Variants in LAMB4 observed in about 807,000 individuals in gnomAD.
The protein encoded by LAMB4 is laminin subunit beta 4.
A neutral mutation model predicts 199.2 loss-of-function variants in LAMB4; 196 were observed. The observed-to-expected ratio is 0.98, with a 90% confidence interval of 0.88 to 1.11. The LOEUF is 1.11. LAMB4 is among the 50% of genes least tolerant of loss of function. LAMB4 has a pLI of 0.00. For synonymous variants in LAMB4, 744 were observed against 770.6 expected (o/e 0.97, Z 0.57); for missense variants, 2,080 against 2,171.2 (o/e 0.96, Z 0.83).
intron 15 of LAMB4, among the ~76,000 whole-genome samples, chr7:108,078,855 TGTAA>T (rs2036811682): frequency 6.6e-6 from 1 of 152,184 alleles, no homozygotes; most frequent in Non-Finnish European, 1.5e-5. Flanking sequence ...GGCTTTCACT[TGTAA>T]GTAAGAAATA....
intron 25 of LAMB4, among the ~76,000 whole-genome samples, chr7:108,055,417 C>A (rs942403630): frequency 6.6e-6 from 1 of 151,478 alleles, no homozygotes; most frequent in African/African-American, 2.4e-5. Context: ...GAACTCCTGA[C>A]CTCAAGTGAT....
intron 7 of LAMB4, 43 bp from the exon 8 acceptor site, chr7:108,106,074 A>C (rs753646711): frequency 6.8e-7 from 1 of 1,466,882 alleles, no homozygotes; most frequent in East Asian, 2.3e-5. Context: ...TTTGAGGTGC[A>C]TCAGTTCAAG....
At chr7:108,061,314 T>C (rs1401538375) in intron 23 of LAMB4, among the ~76,000 whole-genome samples, 1 of 152,186 alleles carries the variant, frequency 6.6e-6, no homozygotes, top group Non-Finnish European at 1.5e-5. Flanking sequence ...TATTCATGCA[T>C]AGTGACAAAT....
At position 108,023,650 on chromosome 7, in the gene LAMB4, AC is replaced by A. The variant is rs2034738769; in HGVS notation, c.*388del. Reference sequence around the variant, plus strand: ...TATAGGACAATCTAGTACATGCCATACATATGTATTCCATCCTAATATTGGA... The same window carrying A: ...TATAGGACAATCTAGTACATGCCATAATATGTATTCCATCCTAATATTGGA... On this transcript the variant is annotated 3_prime_UTR_variant, in exon 34 of 34. Transcript: ENST00000388781. 6.5e-6 allele frequency: 1 copy of A among 154,304 alleles called. No individual in the cohort carries two copies. Among genetic ancestry groups the A allele is most frequent in the Non-Finnish European group, 1.4e-5 (1 of 69,576 alleles). 9.6% of individuals were successfully genotyped at this position (154,304 alleles called of 1,614,324 possible).
intron 14 of LAMB4, among the ~76,000 whole-genome samples, chr7:108,084,851 C>T (rs1220849353): frequency 1.4e-5 from 2 of 145,952 alleles, no homozygotes; most frequent in Non-Finnish European, 3.0e-5. Context: ...TCAAGTGATC[C>T]TCCCACCTCA....
At chr7:108,051,000 G>A (rs752937041) in intron 26 of LAMB4, among the ~76,000 whole-genome samples, 23 of 152,128 alleles carry the variant, frequency 1.5e-4, no homozygotes, top group Non-Finnish European at 2.8e-4. Context: ...GTAATGATCT[G>A]CCTGTTTCTA....
chr7:108,104,662 T>C (rs1248812797), intron 8 of LAMB4, 43 bp from the exon 9 acceptor site: 12 of 1,595,412 alleles, frequency 7.5e-6, no homozygotes, highest in African/African-American at 6.7e-5. Flanking sequence ...GGGCTTGTCC[T>C]TGGGGACGTT....
At chr7:108,028,472 ATT>A (rs1195925912) in intron 33 of LAMB4, among the ~76,000 whole-genome samples, 45 of 111,766 alleles carry the variant, frequency 4.0e-4, no homozygotes, top group African/African-American at 1.1e-3. Flanking sequence ...AAAAAAGGGC[ATT>A]TTTTTTTTTT....
intron 25 of LAMB4, among the ~76,000 whole-genome samples, chr7:108,052,859 C>A (rs1277990232): frequency 6.6e-6 from 1 of 152,132 alleles, no homozygotes; most frequent in Non-Finnish European, 1.5e-5. Flanking sequence ...CTGGGTTTAG[C>A]ACCTACTGTT....
At position 108,115,987 on chromosome 7, in the gene LAMB4, A is replaced by G. The variant is rs2038391170; in HGVS notation, c.192+17T>C. 6.2e-7 allele frequency: 1 copy of G among 1,604,764 alleles called. No homozygotes were observed. The stretch of plus-strand genomic sequence containing the variant: ...GATTAAATAATGTCCCAGCAAATAA[A>G]CAAAGAGCCAACCCACCTCCAGGTA... On this transcript the variant is annotated intron_variant, in intron 3 of 33. Transcript: ENST00000388781.
chr7:108,079,009 T>C (rs1332656245), intron 15 of LAMB4, among the ~76,000 whole-genome samples: 1 of 152,192 alleles, frequency 6.6e-6, no homozygotes, highest in Non-Finnish European at 1.5e-5. Flanking sequence ...ATATCAAACA[T>C]GTTTCAAAGG....
intron 23 of LAMB4, among the ~76,000 whole-genome samples, chr7:108,059,250 C>T (rs1233405615): frequency 6.6e-6 from 1 of 151,978 alleles, no homozygotes; most frequent in Admixed American, 6.6e-5. Flanking sequence ...GGACTACAGG[C>T]ACCCACCACC....
At chr7:108,036,530 G>A (rs185273125) in intron 30 of LAMB4, among the ~76,000 whole-genome samples, 25 of 152,122 alleles carry the variant, frequency 1.6e-4, no homozygotes, top group African/African-American at 3.1e-4. Flanking sequence ...AATCTTCCTC[G>A]TTTTAAATAT....
chr7:108,075,503 A>G (rs1324046205), intron 17 of LAMB4: 1 of 152,266 alleles, frequency 6.6e-6, no homozygotes, highest in Non-Finnish European at 1.5e-5. Flanking sequence ...CAATTAAGTA[A>G]TGATATTAGA....
At chr7:108,072,639 T>C (rs1330313940) in intron 17 of LAMB4, among the ~76,000 whole-genome samples, 2 of 152,154 alleles carry the variant, frequency 1.3e-5, no homozygotes, top group African/African-American at 2.4e-5. Flanking sequence ...TCTAACCCCA[T>C]GCTCTCATTG....
chr7:108,028,862 A>T (rs939697138), intron 33 of LAMB4, among the ~76,000 whole-genome samples, 181 bp downstream of exon 33: 1 of 152,138 alleles, frequency 6.6e-6, no homozygotes, highest in Non-Finnish European at 1.5e-5. Context: ...TTTCTAGGCA[A>T]ATCCATGCAA....
At position 108,076,949 on chromosome 7, in the gene LAMB4, C is replaced by T. The variant is rs1262345364; in HGVS notation, c.2119G>A (p.Asp707Asn). The change falls in exon 17 of 34, where the codon GAC becomes AAC. Residue 707 changes from aspartate (D) to asparagine (N), a missense_variant. Asp to Asn is a conservative substitution (Grantham distance 23, BLOSUM62 1). Coordinates refer to ENST00000388781, the MANE Select transcript of LAMB4 (RefSeq NM_007356.3). ...CAAAACTCTGTGATACTTACAGAGT[C>T]CACCAGGACATGTGAATGAGCGTGG... is the stretch of plus-strand genomic sequence containing the variant. The part of the protein sequence containing the change: ...ESHAHSHVLV[D>N]SLGLIPQINS... 6.2e-7 allele frequency: 1 copy of T among 1,613,934 alleles called. No individual in the cohort carries two copies.
intron 1 of LAMB4, among the ~76,000 whole-genome samples, chr7:108,124,026 T>C (rs1023306611): frequency 2.0e-5 from 3 of 151,930 alleles, no homozygotes; most frequent in Non-Finnish European, 4.4e-5. Context: ...TTTTTTTTCC[T>C]TTTTTTAAGA....
intron 17 of LAMB4, 78 bp from the exon 18 acceptor site, chr7:108,069,963 A>G: frequency 8.6e-7 from 1 of 1,167,010 alleles, no homozygotes; most frequent in Admixed American, 2.4e-5. Context: ...AAAAAATTAG[A>G]TCTATGAAAA....
Sources: gnomAD v4.1 joint callset for allele counts (sites outside exome capture counted in the v4.1 genomes callset) on GRCh38, gnomAD v4.1.1 for gene constraint, MANE v1.5 for transcripts, NCBI Gene and HGNC (gene_info 2026-07-23, HGNC 2026-07-21) for gene names.